The following SPAG9 variants were observed in gnomAD, a reference collection of about 807,000 sequenced individuals.
SPAG9 encodes the protein sperm associated antigen 9.
SPAG9 carries 35 observed loss-of-function variants against 166.5 expected under a neutral mutation model. That is an observed-to-expected ratio of 0.21 (90% CI 0.16 to 0.28). The LOEUF (loss-of-function observed/expected upper bound fraction) is 0.28. Ranked by LOEUF, SPAG9 falls within the 10% of genes least tolerant of loss-of-function variation. The probability of loss-of-function intolerance (pLI) is 1.00; values close to 1 mark genes in which losing one functional copy is unlikely to be tolerated. For missense variants in SPAG9, 1,235 were observed against 1,603.3 expected (o/e 0.77, Z 3.92); for synonymous variants, 534 against 565.5 (o/e 0.94, Z 0.79).
At chr17:51,022,348 A>G (rs1279915988) in intron 6 of SPAG9, among the ~76,000 whole-genome samples, 4 of 152,132 alleles carry the variant, frequency 2.6e-5, no homozygotes, top group Non-Finnish European at 1.5e-5. Context: ...TATTTTAACA[A>G]GCAATCCAGG....
At chr17:50,989,460 T>G in intron 21 of SPAG9, 1 of 591,454 alleles carries the variant, frequency 1.7e-6, no homozygotes, top group Non-Finnish European at 3.0e-6. Context: ...TAGATAAGAT[T>G]TTTTTTTTAA....
At chr17:51,073,084 G>A (rs1306813812) in intron 2 of SPAG9, among the ~76,000 whole-genome samples, 1 of 152,174 alleles carries the variant, frequency 6.6e-6, no homozygotes, top group Non-Finnish European at 1.5e-5. Flanking sequence ...CCAGCGCTTT[G>A]GGAGGCAGAG....
intron 8 of SPAG9, among the ~76,000 whole-genome samples, chr17:51,018,420 T>C (rs2045794149): frequency 6.6e-6 from 1 of 152,094 alleles, no homozygotes; most frequent in South Asian, 2.1e-4. Flanking sequence ...AGCCTTCCCA[T>C]GTAAAATGAT....
chr17:51,025,453 GACTGACAGTATTAATTAAAAAAAAAAAAA>G (rs1568013987), intron 6 of SPAG9, among the ~76,000 whole-genome samples: 1 of 142,360 alleles, frequency 7.0e-6, no homozygotes, highest in Non-Finnish European at 1.5e-5. Flanking sequence ...GAGTCAAAAA[GACTGACAGTATTAATTAAAAAAAAAAAAA>G]ACTGACAGTA....
intron 8 of SPAG9, among the ~76,000 whole-genome samples, chr17:51,015,613 CAACA>C (rs1168751021): frequency 3.3e-5 from 5 of 150,056 alleles, no homozygotes; most frequent in Non-Finnish European, 5.9e-5. Context: ...GCAGCAGCAA[CAACA>C]AAAAAACAAA....
intron 9 of SPAG9, chr17:51,007,739 C>T: frequency 2.5e-6 from 1 of 400,484 alleles, no homozygotes; most frequent in South Asian, 1.8e-5. Context: ...TCACATCTGA[C>T]CTCGTAGGCT....
intron 6 of SPAG9, among the ~76,000 whole-genome samples, chr17:51,027,521 G>A (rs2046230558): frequency 1.3e-5 from 2 of 151,714 alleles, no homozygotes; most frequent in African/African-American, 2.4e-5. Flanking sequence ...ATACGATCAT[G>A]TGCCACATCT....
At chr17:51,107,026 C>T (rs1201388183) in intron 1 of SPAG9, among the ~76,000 whole-genome samples, 9 of 145,244 alleles carry the variant, frequency 6.2e-5, no homozygotes, top group African/African-American at 7.7e-5. Flanking sequence ...CGCTTGAACC[C>T]GGGAGGCGGA....
At chr17:51,075,336 A>C (rs2144613680) in intron 2 of SPAG9, among the ~76,000 whole-genome samples, 1 of 152,208 alleles carries the variant, frequency 6.6e-6, no homozygotes, top group East Asian at 1.9e-4. Context: ...AATAATTAGT[A>C]ATTCATTCCA....
intron 29 of SPAG9, among the ~76,000 whole-genome samples, chr17:50,967,277 A>G (rs1489602335): frequency 1.3e-5 from 2 of 152,244 alleles, no homozygotes; most frequent in African/African-American, 2.4e-5. Flanking sequence ...TCCTAAAAAC[A>G]TACACACCAC....
At chr17:51,062,854 T>C (rs2047556011) in intron 2 of SPAG9, among the ~76,000 whole-genome samples, 1 of 152,110 alleles carries the variant, frequency 6.6e-6, no homozygotes, top group Non-Finnish European at 1.5e-5. Context: ...CCTCTCAAAG[T>C]GCTGGGATTA....
intron 26 of SPAG9, 34 bp from the exon 27 acceptor site, chr17:50,977,255 A>G (rs1974270319): frequency 7.9e-7 from 1 of 1,271,256 alleles, no homozygotes; most frequent in African/African-American, 1.5e-5. Context: ...TTATTGAGAA[A>G]CTAAAGCAGA....
chr17:50,986,369 A>T (rs996868774), intron 22 of SPAG9, among the ~76,000 whole-genome samples: 1 of 152,230 alleles, frequency 6.6e-6, no homozygotes, highest in Admixed American at 6.5e-5. Context: ...ACTCATATGA[A>T]AAAGACATAC....
At chr17:51,118,313 A>G (rs2049357474) in intron 1 of SPAG9, among the ~76,000 whole-genome samples, 1 of 152,208 alleles carries the variant, frequency 6.6e-6, no homozygotes, top group Non-Finnish European at 1.5e-5. Flanking sequence ...CTACAAATAA[A>G]TTCATTGGAT....
chr17:50,996,635 T>C lies in SPAG9; in HGVS notation c.1898A>G (p.Lys633Arg). 6.2e-7 allele frequency: 1 copy of C among 1,614,150 alleles called. No individual in the cohort carries two copies. Among genetic ancestry groups the C allele is most frequent in the Non-Finnish European group, 8.5e-7 (1 of 1,180,008 alleles). ...ACCGTCTTCCTTCTGAACATGTGCT[T>C]TTACCTGACGATACTGCTCTCTCTT... is the stretch of plus-strand genomic sequence containing the variant. ...EQKREQYRQV[K>R]AHVQKEDGRV... is the part of the protein sequence containing the mutation. Residue 633 changes from lysine (K) to arginine (R), a missense_variant, in exon 16 of 30, where the codon AAA becomes AGA. By Grantham distance (26) the Lys-to-Arg change is conservative. Transcript: ENST00000262013.
intron 2 of SPAG9, among the ~76,000 whole-genome samples, chr17:51,064,567 T>G (rs2047608095): frequency 1.3e-5 from 2 of 152,220 alleles, no homozygotes; most frequent in Admixed American, 1.3e-4. Flanking sequence ...TGAACCTTTA[T>G]GCTAGGTGAA....
chr17:51,077,113 G>GCTATCTAGCTAGCTAT (rs1568065935), intron 2 of SPAG9, among the ~76,000 whole-genome samples: 5 of 135,448 alleles, frequency 3.7e-5, no homozygotes, highest in Non-Finnish European at 8.2e-5. Context: ...TAGCTATCTA[G>GCTATCTAGCTAGCTAT]CTATCTAGCT....
Position 50,996,652 on chromosome 17 carries a change from C to T in SPAG9, c.1881G>A (p.Glu627=), listed in dbSNP as rs746940568. 3 of 1,614,130 alleles carry T rather than the reference C, an allele frequency of 1.9e-6. No individual in the cohort carries two copies. Among genetic ancestry groups the T allele is most frequent in the Non-Finnish European group, 2.5e-6 (3 of 1,179,988 alleles). ...CATGTGCTTTTACCTGACGATACTG[C>T]TCTCTCTTTTGTTCTCTGCGTGAGG... ...SLASRREQKR[E]QYRQVKAHVQ... Residue 627 remains glutamate, a synonymous_variant, in exon 16 of 30, where the codon GAG becomes GAA. Transcript: ENST00000262013.
intron 12 of SPAG9, among the ~76,000 whole-genome samples, chr17:51,002,130 C>T (rs1390064212): frequency 1.3e-5 from 2 of 152,036 alleles, no homozygotes; most frequent in Non-Finnish European, 2.9e-5. Flanking sequence ...ATCTGCCCAC[C>T]CCAGCCTCCT....
Sources: gnomAD v4.1 joint callset for allele counts (sites outside exome capture counted in the v4.1 genomes callset) on GRCh38, gnomAD v4.1.1 for gene constraint, MANE v1.5 for transcripts, NCBI Gene and HGNC (gene_info 2026-07-23, HGNC 2026-07-21) for gene names.